Variants in DSCAM observed in about 807,000 individuals in gnomAD.
The protein encoded by DSCAM is DS cell adhesion molecule.
In DSCAM, 47 loss-of-function variants were observed where a neutral mutation model predicts 217.7. The ratio of observed to expected loss-of-function variants is 0.22; its 90% CI spans 0.17 to 0.28. DSCAM has a LOEUF of 0.28. Among genes scored for constraint, DSCAM ranks in the 10% least tolerant of loss-of-function variants. The pLI is 1.00. For missense variants in DSCAM, 2,080 were observed against 2,618.3 expected (o/e 0.79, Z 4.49); for synonymous variants, 1,056 against 1,015.3 (o/e 1.04, Z -0.76).
At chr21:40,216,046 C>T (rs1039808017) in intron 11 of DSCAM, among the ~76,000 whole-genome samples, 2 of 151,978 alleles carry the variant, frequency 1.3e-5, no homozygotes, top group Non-Finnish European at 2.9e-5. Flanking sequence ...AGAATAAGTG[C>T]TAAGCAAGTC....
At chr21:40,459,736 A>G (rs1180650312) in intron 3 of DSCAM, among the ~76,000 whole-genome samples, 1 of 152,136 alleles carries the variant, frequency 6.6e-6, no homozygotes. Flanking sequence ...TATGAAAGAT[A>G]TTTTTTTCTC....
chr21:40,323,757 C>T (rs79603863), intron 8 of DSCAM, among the ~76,000 whole-genome samples: 3,664 of 152,146 alleles, frequency 0.024, 173 homozygotes, highest in East Asian at 0.23. Flanking sequence ...CTATAGGATG[C>T]TTATTTTAGA....
At chr21:40,268,552 T>A (rs59107349) in intron 11 of DSCAM, among the ~76,000 whole-genome samples, 13,053 of 151,774 alleles carry the variant, frequency 0.086, 1,338 homozygotes, top group African/African-American at 0.22. Context: ...TTAAAAAAAA[T>A]AATAACATTT....
chr21:40,069,078 T>A (rs2089251946), intron 27 of DSCAM, among the ~76,000 whole-genome samples: 1 of 134,250 alleles, frequency 7.4e-6, no homozygotes, highest in African/African-American at 2.9e-5. Context: ...AGAGCAAAAC[T>A]CTGTCTCAGA....
intron 3 of DSCAM, among the ~76,000 whole-genome samples, chr21:40,578,359 C>A (rs2076872101): frequency 6.6e-6 from 1 of 152,112 alleles, no homozygotes; most frequent in African/African-American, 2.4e-5. Context: ...TGTAAATGCA[C>A]CAATCAGCGC....
intron 1 of DSCAM, among the ~76,000 whole-genome samples, chr21:40,792,461 G>A (rs2123469803): frequency 6.6e-6 from 1 of 152,236 alleles, no homozygotes; most frequent in East Asian, 1.9e-4. Flanking sequence ...CATGGAATTA[G>A]GGGCCACCCC....
chr21:40,575,651 G>C (rs1251652887), intron 3 of DSCAM, among the ~76,000 whole-genome samples: 1 of 152,028 alleles, frequency 6.6e-6, no homozygotes, highest in Non-Finnish European at 1.5e-5. Context: ...AAAAATAAAA[G>C]AATTAGGCTT....
intron 18 of DSCAM, among the ~76,000 whole-genome samples, chr21:40,135,749 A>C (rs1371699375): frequency 6.6e-6 from 1 of 152,250 alleles, no homozygotes; most frequent in Non-Finnish European, 1.5e-5. Context: ...ATGAATAGCC[A>C]TGTATTTTGT....
chr21:40,707,159 G>C (rs2090726810), intron 2 of DSCAM, among the ~76,000 whole-genome samples: 2 of 152,204 alleles, frequency 1.3e-5, no homozygotes, highest in Admixed American at 1.3e-4. Flanking sequence ...CGCACAGATG[G>C]AGCTGTTTGA....
At chr21:40,267,109 A>ATCCTAGACT (rs2073548482) in intron 11 of DSCAM, among the ~76,000 whole-genome samples, 1 of 151,930 alleles carries the variant, frequency 6.6e-6, no homozygotes, top group African/African-American at 2.4e-5. Context: ...GTGCATTAAA[A>ATCCTAGACT]TCCTAGACTT....
chr21:40,606,943 G>C (rs2089247292), intron 3 of DSCAM, among the ~76,000 whole-genome samples: 1 of 152,146 alleles, frequency 6.6e-6, no homozygotes, highest in South Asian at 2.1e-4. Context: ...CTCTGTCTTT[G>C]CCTGCTGCCA....
chr21:40,028,498 G>A (rs145974625), intron 32 of DSCAM, among the ~76,000 whole-genome samples: 7,709 of 151,696 alleles, frequency 0.051, 348 homozygotes, highest in African/African-American at 0.087. Flanking sequence ...AGCAATCAGC[G>A]AGACTCCATG....
chr21:40,648,912 G>A (rs949746422), intron 3 of DSCAM, among the ~76,000 whole-genome samples: 7 of 152,112 alleles, frequency 4.6e-5, no homozygotes, highest in African/African-American at 7.2e-5. Context: ...ACAGGAGCTC[G>A]GGAACTGCCA....
chr21:40,157,445 G>C (rs955541287), intron 16 of DSCAM, among the ~76,000 whole-genome samples: 16 of 152,208 alleles, frequency 1.1e-4, no homozygotes, highest in African/African-American at 3.9e-4. Context: ...GCACTACTAA[G>C]AAAGGAGCAT....
At chr21:40,466,226 C>G (rs62225473) in intron 3 of DSCAM, among the ~76,000 whole-genome samples, 20,178 of 152,174 alleles carry the variant, frequency 0.13, 1,437 homozygotes, top group Middle Eastern at 0.21. Context: ...TACATCTACC[C>G]CTCCTAGAAC....
At chr21:40,533,025 G>A (rs76494176) in intron 3 of DSCAM, among the ~76,000 whole-genome samples, 1 of 151,798 alleles carries the variant, frequency 6.6e-6, no homozygotes, top group Non-Finnish European at 1.5e-5. Flanking sequence ...GACAGACGTG[G>A]GTTAAAATAA....
intron 11 of DSCAM, among the ~76,000 whole-genome samples, chr21:40,218,749 T>C (rs1284324655): frequency 1.3e-5 from 2 of 152,176 alleles, no homozygotes; most frequent in African/African-American, 4.8e-5. Context: ...ATTCTTTTTG[T>C]GGCTGTGAAT....
chr21:40,201,597 A>T (rs775902159), intron 11 of DSCAM, among the ~76,000 whole-genome samples: 2 of 152,042 alleles, frequency 1.3e-5, no homozygotes, highest in Non-Finnish European at 2.9e-5. Context: ...ATGCTCCACC[A>T]TGCCTGGCTG....
chr21:40,505,123 T>G (rs56684487), intron 3 of DSCAM, among the ~76,000 whole-genome samples: 9,401 of 152,208 alleles, frequency 0.062, 406 homozygotes, highest in African/African-American at 0.12. Flanking sequence ...TAATTGGAAA[T>G]AATGGGAAAG....
Sources: allele counts gnomAD v4.1 joint callset (sites outside exome capture counted in the v4.1 genomes callset), GRCh38; gene constraint gnomAD v4.1.1; transcripts MANE v1.5; gene names NCBI Gene and HGNC (gene_info 2026-07-23, HGNC 2026-07-21).